BEND4: variants seen among roughly 807,000 people sequenced by gnomAD.
BEND4 encodes BEN domain containing 4, also known as BEN domain-containing protein 4.
BEND4 carries 27 observed loss-of-function variants against 54.7 expected under a neutral mutation model. The observed-to-expected ratio is 0.49, with a 90% CI of 0.36 to 0.68. The LOEUF is 0.68. Ranked by LOEUF, BEND4 falls within the 30% of genes least tolerant of loss-of-function variation. The pLI is 0.00. For missense variants in BEND4, 702 were observed against 697.2 expected (o/e 1.01, Z -0.08); for synonymous variants, 327 against 299.5 (o/e 1.09, Z -0.95).
chr4:42,147,168 T>TA (rs1721106291), intron 2 of BEND4, among the ~76,000 whole-genome samples: 3 of 152,202 alleles, frequency 2.0e-5, no homozygotes, highest in Non-Finnish European at 4.4e-5. Context: ...TTGTCACCCT[T>TA]AGAGTAGAAT....
At chr4:42,119,019 C>T (rs1373629849) in intron 5 of BEND4, among the ~76,000 whole-genome samples, 1 of 152,260 alleles carries the variant, frequency 6.6e-6, no homozygotes, top group African/African-American at 2.4e-5. Context: ...GATCTAGGAA[C>T]CACGCATGCC....
At position 42,117,169 on chromosome 4, in the gene BEND4, T is replaced by TACCC. The variant is rs879244043; in HGVS notation, c.*345_*348dup. 12 of 180,772 alleles carry TACCC rather than the reference T, an allele frequency of 6.6e-5. No homozygotes were observed. In the South Asian group the frequency reaches 1.8e-3, roughly 27 times the overall value. 11.2% of individuals were successfully genotyped at this position (180,772 alleles called of 1,614,324 possible). Reference sequence around the variant, plus strand: ...CACCTTCTCCCATGGGCAGAAACACTACCCCAGCCTACCTTGGGGACTATC... The same window carrying TACCC: ...CACCTTCTCCCATGGGCAGAAACACTACCCACCCCAGCCTACCTTGGGGACTATC... On this transcript the variant is annotated 3_prime_UTR_variant, in exon 6 of 6. Coordinates refer to ENST00000502486, the MANE Select transcript of BEND4 (RefSeq NM_207406.4).
chr4:42,127,734 A>C (rs1038395264), intron 3 of BEND4, among the ~76,000 whole-genome samples: 4 of 152,246 alleles, frequency 2.6e-5, no homozygotes, highest in African/African-American at 9.6e-5. Context: ...GCAAGGGTAC[A>C]TATGTCACTG....
At chr4:42,141,676 A>T (rs1400732812) in intron 3 of BEND4, among the ~76,000 whole-genome samples, 1 of 152,182 alleles carries the variant, frequency 6.6e-6, no homozygotes, top group Non-Finnish European at 1.5e-5. Flanking sequence ...AGGCAGCAGA[A>T]GCTGCAGTGA....
chr4:42,139,420 T>C lies in BEND4; in HGVS notation c.1054+4008A>G, dbSNP rs372590071. ...TACCGTAACACTGCCCCTCTCAGAG[T>C]AGTGCCAGAAATAGTGCCTGCCCAC... On this transcript the variant is annotated intron_variant, in intron 3 of 5. Coordinates refer to ENST00000502486, the MANE Select transcript of BEND4 (RefSeq NM_207406.4). 7.9e-5 allele frequency among the ~76,000 whole-genome samples: 12 copies of C among 151,836 alleles called. 1 individual carries two copies. The East Asian group carries it at 1.7e-3, about 22-fold the overall frequency.
intron 3 of BEND4, among the ~76,000 whole-genome samples, chr4:42,127,304 C>T (rs1309881129): frequency 1.3e-5 from 2 of 152,206 alleles, no homozygotes; most frequent in Non-Finnish European, 2.9e-5. Context: ...GCTGTGGCCA[C>T]TTGTGAACAG....
chr4:42,143,842 G>GCTC lies in BEND4; in HGVS notation c.637_639dup (p.Glu213dup). 6.4e-7 allele frequency: 1 copy of GCTC among 1,567,908 alleles called. No homozygotes were observed. The highest frequency in any genetic ancestry group is 2.2e-5 in the East Asian group (1 of 44,662). The stretch of plus-strand genomic sequence containing the variant: ...TGGACCCCTTTCCCAATGTGACAGT[G>GCTC]CTCCTGTCTTTCGTTGTAACTTGAG... On this transcript the variant is annotated inframe_insertion, in exon 3 of 6. Coordinates refer to ENST00000502486, the MANE Select transcript of BEND4 (RefSeq NM_207406.4).
Position 42,117,452 on chromosome 4 carries a change from G to A in BEND4, c.*66C>T, listed in dbSNP as rs1160308100. ...ACAGGCTTTGGACTCTCAGGTGACA[G>A]GAACAGGACATTCACAATTGGAACT... On this transcript the variant is annotated 3_prime_UTR_variant, in exon 6 of 6. Coordinates refer to ENST00000502486, the MANE Select transcript of BEND4 (RefSeq NM_207406.4). 2 of 1,150,996 alleles carry A rather than the reference G, an allele frequency of 1.7e-6. No homozygotes were observed. The highest frequency in any genetic ancestry group is 2.5e-5 in the East Asian group (1 of 39,432). The allele number at this position is 1,150,996 out of a possible 1,614,324, so 71.3% of individuals were successfully genotyped here. A position where few individuals can be genotyped will look rare whatever the true frequency, so the allele number is the denominator to read the frequency against.
At chr4:42,143,342 T>C in intron 3 of BEND4, 86 bp downstream of exon 3, 2 of 1,205,802 alleles carry the variant, frequency 1.7e-6, no homozygotes, top group South Asian at 1.3e-5. Flanking sequence ...CACATACACA[T>C]ACATGAGTAC....
Position 42,112,761 on chromosome 4 carries a change from T to C in BEND4, c.*4757A>G, listed in dbSNP as rs2153143667. 1.3e-5 allele frequency: 2 copies of C among 152,236 alleles called. No individual in the cohort carries two copies. The highest frequency in any genetic ancestry group is 3.4e-3 in the Middle Eastern group (1 of 294). The allele number at this position is 152,236 out of a possible 1,614,324, so 9.4% of individuals were successfully genotyped here. A position where few individuals can be genotyped will look rare whatever the true frequency, so the allele number is the denominator to read the frequency against. ...CACAGATCAGTTAAACTTTTACATTTTACATTTAGAAGGCAAATATTGATG... is the reference window on the plus strand; with the variant it reads ...CACAGATCAGTTAAACTTTTACATTCTACATTTAGAAGGCAAATATTGATG... On this transcript the variant is annotated 3_prime_UTR_variant, in exon 6 of 6. Transcript: ENST00000502486.
Position 42,111,354 on chromosome 4 carries a change from A to C in BEND4, c.*6164T>G, listed in dbSNP as rs1175749045. The C allele has an allele frequency of 6.6e-6, 1 of 152,248 alleles. No homozygotes were observed. The highest frequency in any genetic ancestry group is 2.4e-5 in the African/African-American group (1 of 41,470). The allele number at this position is 152,248 out of a possible 1,614,324, so 9.4% of individuals were successfully genotyped here. A position where few individuals can be genotyped will look rare whatever the true frequency, so the allele number is the denominator to read the frequency against. Reference sequence around the variant, plus strand: ...ATGGATTTGTCACAGTTTCTCCACAAGTATTCATCATAGAAAATAGAGTAA... The same window carrying C: ...ATGGATTTGTCACAGTTTCTCCACACGTATTCATCATAGAAAATAGAGTAA... On this transcript the variant is annotated 3_prime_UTR_variant, in exon 6 of 6. Coordinates refer to ENST00000502486, the MANE Select transcript of BEND4 (RefSeq NM_207406.4).
intron 5 of BEND4, 98 bp downstream of exon 5, chr4:42,119,956 T>G (rs752684143): frequency 6.8e-7 from 1 of 1,480,730 alleles, no homozygotes; most frequent in East Asian, 2.3e-5. Flanking sequence ...CAGAAAGAAA[T>G]CAAAATACAG....
Position 42,151,793 on chromosome 4 carries a change from C to T in BEND4, c.351G>A (p.Ala117=), listed in dbSNP as rs1490441765. Residue 117 remains alanine (A), a synonymous_variant, in exon 2 of 6, where the codon GCG becomes GCA. Transcript: ENST00000502486. ...ATSQGHLRTP[A]QPPPASPAAS... ...CGGCGGGGGACGCGGGCGGCGGCTG[C>T]GCCGGAGTCCTCAAGTGGCCCTGGG... 6.7e-7 allele frequency: 1 copy of T among 1,486,470 alleles called. No homozygotes were observed. The highest frequency in any genetic ancestry group is 8.9e-7 in the Non-Finnish European group (1 of 1,126,332). The allele number at this position is 1,486,470 out of a possible 1,614,324, so 92.1% of individuals were successfully genotyped here.
At chr4:42,125,815 T>G in intron 3 of BEND4, 141 bp from the exon 4 acceptor site, 1 of 569,588 alleles carries the variant, frequency 1.8e-6, no homozygotes, top group Non-Finnish European at 3.0e-6. Flanking sequence ...CTCAGCTCAC[T>G]GCAACCTTGA....
At chr4:42,141,823 A>G (rs1040434134) in intron 3 of BEND4, among the ~76,000 whole-genome samples, 1 of 152,218 alleles carries the variant, frequency 6.6e-6, no homozygotes, top group African/African-American at 2.4e-5. Flanking sequence ...CTTATGTATG[A>G]TTTATTTTGA....
intron 2 of BEND4, among the ~76,000 whole-genome samples, chr4:42,144,911 C>T (rs868812683): frequency 3.9e-5 from 6 of 152,126 alleles, no homozygotes; most frequent in African/African-American, 1.2e-4. Flanking sequence ...AGGGTAGATT[C>T]GCTTCTTTCC....
intron 3 of BEND4, among the ~76,000 whole-genome samples, chr4:42,137,062 G>A (rs1171422761): frequency 1.3e-5 from 2 of 152,098 alleles, no homozygotes; most frequent in African/African-American, 4.8e-5. Flanking sequence ...TTTTGAGGGT[G>A]GCGAGGGGTA....
At chr4:42,140,011 A>T (rs940580212) in intron 3 of BEND4, among the ~76,000 whole-genome samples, 2 of 152,354 alleles carry the variant, frequency 1.3e-5, no homozygotes, top group Middle Eastern at 6.8e-3. Flanking sequence ...ATGCACAGCT[A>T]ATCAAGTAAA....
At chr4:42,135,192 T>C (rs1039881613) in intron 3 of BEND4, among the ~76,000 whole-genome samples, 7 of 152,110 alleles carry the variant, frequency 4.6e-5, no homozygotes, top group African/African-American at 1.4e-4. Context: ...GTCCCACTGA[T>C]GGGTGTGTAA....
Sources: gnomAD v4.1 joint callset for allele counts (sites outside exome capture counted in the v4.1 genomes callset) on GRCh38, gnomAD v4.1.1 for gene constraint, MANE v1.5 for transcripts, NCBI Gene and HGNC (gene_info 2026-07-23, HGNC 2026-07-21) for gene names.